Variants in DEFB123 observed in about 807,000 individuals in gnomAD.
The protein encoded by DEFB123 is defensin beta 123.
For synonymous variants in DEFB123, 22 were observed against 28.3 expected, an observed-to-expected ratio of 0.78 and a Z score of 0.71; for missense variants, 71 against 75.0, an observed-to-expected ratio of 0.95 and a Z score of 0.20.
intron 1 of DEFB123, among the ~76,000 whole-genome samples, chr20:31,444,160 A>G (rs1015895448): frequency 5.9e-5 from 9 of 152,128 alleles, no homozygotes; most frequent in Admixed American, 5.2e-4. Context: ...GGATTGAAAT[A>G]TGCATCACTT....
At chr20:31,442,500 A>C (rs1769939319) in intron 1 of DEFB123, among the ~76,000 whole-genome samples, 1 of 152,164 alleles carries the variant, frequency 6.6e-6, no homozygotes, top group South Asian at 2.1e-4. Context: ...AATTTGAAAA[A>C]TAAATGAAAC....
At chr20:31,449,767 C>CAAAAAAAAAAAAAAA (rs59939526) in intron 1 of DEFB123, among the ~76,000 whole-genome samples, 1 of 52,484 alleles carries the variant, frequency 1.9e-5, no homozygotes, top group African/African-American at 5.4e-5. Context: ...AGACTCATCT[C>CAAAAAAAAAAAAAAA]AAAAAAAAAA....
At position 31,450,031 on chromosome 20, in the gene DEFB123, G is replaced by A; in HGVS notation, c.61G>A (p.Gly21Ser). 1.2e-6 allele frequency: 2 copies of A among 1,607,852 alleles called. No individual in the cohort carries two copies. Among genetic ancestry groups the A allele is most frequent in the South Asian group, 1.1e-5 (1 of 90,036 alleles). ...LLLLSQLTPG[G>S]TQRCWNLYGK... ...CCCTTCTTTCTGCTTTGTGTCAGGTGGCACCCAAAGATGCTGGAATCTTTA... is the reference window on the plus strand; with the variant it reads ...CCCTTCTTTCTGCTTTGTGTCAGGTAGCACCCAAAGATGCTGGAATCTTTA... Residue 21 changes from glycine (G) to serine (S), a missense_variant and splice_region_variant, in exon 2 of 2, where the codon GGC (glycine) becomes AGC (serine). Gly to Ser is a moderately conservative substitution (Grantham distance 56). Coordinates refer to ENST00000376309, the MANE Select transcript of DEFB123 (RefSeq NM_153324.4).
At position 31,450,143 on chromosome 20, in the gene DEFB123, A is replaced by G. The variant is rs373515657; in HGVS notation, c.173A>G (p.Tyr58Cys). Residue 58 changes from tyrosine (Y) to cysteine (C), a missense_variant, in exon 2 of 2, where the codon TAC becomes TGC. Tyr to Cys is a radical substitution (Grantham distance 194, BLOSUM62 -2). Transcript: ENST00000376309. ...AAAATGTGCTGCGTGAAGCCCAAGT[A>G]CCAGCCAAAAGAAAGGTGGTGGCCA... ...NNKMCCVKPK[Y>C]QPKERWWPF The G allele has an allele frequency of 1.4e-5, 23 of 1,607,940 alleles. No homozygotes were observed. The highest frequency in any genetic ancestry group is 1.7e-5 in the Admixed American group (1 of 58,806).
At chr20:31,440,987 G>A (rs923560162) in intron 1 of DEFB123, among the ~76,000 whole-genome samples, 1 of 152,212 alleles carries the variant, frequency 6.6e-6, no homozygotes, top group African/African-American at 2.4e-5. Context: ...GGGAGCATGT[G>A]GGGGTGGCCT....
At chr20:31,449,683 C>T (rs1021726983) in intron 1 of DEFB123, among the ~76,000 whole-genome samples, 1 of 149,094 alleles carries the variant, frequency 6.7e-6, no homozygotes, top group Non-Finnish European at 1.5e-5. Context: ...GTGGGAGAGT[C>T]CCTTGAACTG....
intron 1 of DEFB123, among the ~76,000 whole-genome samples, chr20:31,443,615 TC>T (rs762461811): frequency 2.9e-4 from 44 of 152,268 alleles, no homozygotes; most frequent in Admixed American, 7.8e-4. Context: ...TATCTCTACT[TC>T]CTGAGTGTTC....
chr20:31,449,365 G>C (rs1979678392), intron 1 of DEFB123, among the ~76,000 whole-genome samples: 1 of 152,032 alleles, frequency 6.6e-6, no homozygotes. Context: ...TGTTAGGATG[G>C]GTACAGGGTA....
At chr20:31,447,335 T>C (rs1294354277) in intron 1 of DEFB123, among the ~76,000 whole-genome samples, 1 of 152,174 alleles carries the variant, frequency 6.6e-6, no homozygotes, top group Non-Finnish European at 1.5e-5. Context: ...CATTTACCCA[T>C]AGTTATCAGT....
intron 1 of DEFB123, among the ~76,000 whole-genome samples, chr20:31,442,965 C>T (rs906390524): frequency 5.9e-5 from 9 of 151,930 alleles, no homozygotes; most frequent in African/African-American, 1.9e-4. Flanking sequence ...AGGGAACAAC[C>T]GGTGTGAGCA....
At chr20:31,448,130 G>T (rs1241976413) in intron 1 of DEFB123, among the ~76,000 whole-genome samples, 1 of 151,754 alleles carries the variant, frequency 6.6e-6, no homozygotes, top group Non-Finnish European at 1.5e-5. Flanking sequence ...ACCTAGGCTG[G>T]TCTCAAACTC....
At chr20:31,443,198 AC>A (rs1979508439) in intron 1 of DEFB123, among the ~76,000 whole-genome samples, 1 of 151,860 alleles carries the variant, frequency 6.6e-6, no homozygotes, top group South Asian at 2.1e-4. Flanking sequence ...CACTGACTCG[AC>A]CCTTCATCTC....
At chr20:31,447,780 C>CTTTTTTTTTTT (rs34763122) in intron 1 of DEFB123, among the ~76,000 whole-genome samples, 5 of 64,492 alleles carry the variant, frequency 7.8e-5, no homozygotes, top group African/African-American at 3.3e-4. Flanking sequence ...ACACACCCGG[C>CTTTTTTTTTTT]TTTTTTTTTT....
At chr20:31,447,652 T>G (rs1205167600) in intron 1 of DEFB123, among the ~76,000 whole-genome samples, 1 of 151,884 alleles carries the variant, frequency 6.6e-6, no homozygotes, top group Non-Finnish European at 1.5e-5. Flanking sequence ...GGTTTCACTC[T>G]GTCACTTAGG....
At position 31,450,096 on chromosome 20, in the gene DEFB123, CTA is replaced by C. The variant is rs1434672214; in HGVS notation, c.128_129del (p.Tyr43CysfsTer6). On this transcript the variant is annotated frameshift_variant, in exon 2 of 2. Transcript: ENST00000376309. LOFTEE classifies it low-confidence loss of function (END_TRUNC). ...ACAGATGCTCCAAGAAGGAAAGAGT[CTA>C]TGTTTACTGCATAAATAATAAAATG... ...RYRCSKKERV[Y>X]VYCINNKMCC... 1.2e-6 allele frequency: 2 copies of C among 1,612,872 alleles called. No homozygotes were observed. The highest frequency in any genetic ancestry group is 1.7e-6 in the Non-Finnish European group (2 of 1,179,536).
chr20:31,442,596 C>CTTTT (rs397865886), intron 1 of DEFB123, among the ~76,000 whole-genome samples: 10 of 105,840 alleles, frequency 9.4e-5, no homozygotes, highest in Non-Finnish European at 1.1e-4. Flanking sequence ...AGGTCATTTG[C>CTTTT]TTTTTTTTTT....
intron 1 of DEFB123, among the ~76,000 whole-genome samples, chr20:31,441,065 T>C (rs1979452236): frequency 2.6e-5 from 4 of 152,024 alleles, no homozygotes; most frequent in Admixed American, 2.6e-4. Flanking sequence ...GTATGGCCCT[T>C]TTGCAAAATA....
intron 1 of DEFB123, among the ~76,000 whole-genome samples, chr20:31,444,828 T>C (rs1040186525): frequency 2.0e-5 from 3 of 152,182 alleles, no homozygotes; most frequent in African/African-American, 7.2e-5. Flanking sequence ...CGAAAACGTC[T>C]CCACCTATTC....
intron 1 of DEFB123, 42 bp from the exon 2 acceptor site, chr20:31,449,987 G>T: frequency 6.4e-7 from 1 of 1,574,794 alleles, no homozygotes; most frequent in Admixed American, 1.9e-5. Flanking sequence ...GAGCCTACTT[G>T]TTAGGACTGA....
Sources: gnomAD v4.1 joint callset for allele counts (sites outside exome capture counted in the v4.1 genomes callset) on GRCh38, gnomAD v4.1.1 for gene constraint, MANE v1.5 for transcripts, NCBI Gene and HGNC (gene_info 2026-07-23, HGNC 2026-07-21) for gene names.